The following MAGI2 variants were observed in gnomAD, a reference collection of about 807,000 sequenced individuals.
MAGI2 encodes membrane associated guanylate kinase, WW and PDZ domain containing 2.
MAGI2 carries 35 observed loss-of-function variants against 133.3 expected under a neutral mutation model. The observed-to-expected ratio is 0.26, with a 90% CI of 0.20 to 0.35. MAGI2 has a LOEUF of 0.35. Ranked by LOEUF, MAGI2 falls within the 10% of genes least tolerant of loss-of-function variation. The pLI is 1.00. For missense variants in MAGI2, 1,636 were observed against 1,863.4 expected, an observed-to-expected ratio of 0.88 and a Z score of 2.25; for synonymous variants, 729 against 710.6, an observed-to-expected ratio of 1.03 and a Z score of -0.41.
intron 1 of MAGI2, among the ~76,000 whole-genome samples, chr7:79,200,370 A>C: frequency 6.6e-6 from 1 of 151,660 alleles, no homozygotes; most frequent in Admixed American, 6.6e-5. Context: ...AGGGAGGCTG[A>C]GGCAGGAGGA....
chr7:79,151,475 C>T (rs1026804756), intron 1 of MAGI2, among the ~76,000 whole-genome samples: 1 of 152,116 alleles, frequency 6.6e-6, no homozygotes, highest in African/African-American at 2.4e-5. Context: ...CTCCAGTTTA[C>T]ATTAAATATT....
At chr7:78,302,652 T>A (rs981897323) in intron 9 of MAGI2, among the ~76,000 whole-genome samples, 3 of 152,206 alleles carry the variant, frequency 2.0e-5, no homozygotes, top group African/African-American at 7.2e-5. Context: ...CTAATACATT[T>A]CAGGCACTGC....
rs190645293 is a variant in MAGI2, at chr7:78,901,109, A to T, written c.418+105981T>A. 2.6e-4 allele frequency among the ~76,000 whole-genome samples: 40 copies of T among 152,324 alleles called. No individual in the cohort carries two copies. The East Asian group carries it at 6.4e-3, about 24-fold the overall frequency. ...AAACACCTCAAACCCTTGTCCTTCC[A>T]GCATTTGTGTTTTCATGAAATGTGA... On this transcript the variant is annotated intron_variant, in intron 2 of 21. Coordinates refer to ENST00000354212, the MANE Select transcript of MAGI2 (RefSeq NM_012301.4).
rs560303859 is a variant in MAGI2, at chr7:79,204,313, G to A, written c.302-197107C>T. Among the ~76,000 whole-genome samples, 6 of 152,158 alleles carry A rather than the reference G, an allele frequency of 3.9e-5. No individual in the cohort carries two copies. The South Asian group carries it at 1.2e-3, about 32-fold the overall frequency. On this transcript the variant is annotated intron_variant, in intron 1 of 21. Coordinates refer to ENST00000354212, the MANE Select transcript of MAGI2 (RefSeq NM_012301.4). ...CTGCACCATGGGTCAGTGGATGTTA[G>A]TGGCCCTGGGCTCAGGACAGCTCTC...
At position 78,243,259 on chromosome 7, in the gene MAGI2, ACACACACACACTCT is replaced by A. The variant is rs760199089; in HGVS notation, c.2047+12670_2047+12683del. On this transcript the variant is annotated intron_variant, in intron 10 of 21. Transcript: ENST00000354212. ...CACACACACACACACACACACACAC[ACACACACACACTCT>A]CTCTCTCTCTCTCTTATAAAACAAA... 3.7e-3 allele frequency among the ~76,000 whole-genome samples: 292 copies of A among 78,458 alleles called. 1 individual carries two copies. The highest frequency in any genetic ancestry group is 5.9e-3 in the Non-Finnish European group (221 of 37,572). The allele number at this position is 78,458 out of a possible 152,430, so 51.5% of individuals were successfully genotyped here.
chr7:79,026,502 C>T (rs944325885), intron 1 of MAGI2, among the ~76,000 whole-genome samples: 1 of 152,218 alleles, frequency 6.6e-6, no homozygotes, highest in African/African-American at 2.4e-5. Context: ...AGCCATATAT[C>T]TGATAAGGGG....
In MAGI2 at chr7:79,121,911, C is replaced by A. The variant is rs114006150; in HGVS notation, c.302-114705G>T. Among the ~76,000 whole-genome samples the A allele has an allele frequency of 5.6e-3, 855 of 152,230 alleles. 11 individuals carry two copies. The highest frequency in any genetic ancestry group is 0.02 in the African/African-American group (815 of 41,518). On this transcript the variant is annotated intron_variant, in intron 1 of 21. Coordinates refer to ENST00000354212, the MANE Select transcript of MAGI2 (RefSeq NM_012301.4). Reference sequence around the variant, plus strand: ...ACTTCAATTGTTTTCTAACATCTTTCATCAGTATTTCACATTCGATAATAT... The same window carrying A: ...ACTTCAATTGTTTTCTAACATCTTTAATCAGTATTTCACATTCGATAATAT...
At chr7:78,300,034 G>C (rs1389287359) in intron 9 of MAGI2, among the ~76,000 whole-genome samples, 2 of 152,084 alleles carry the variant, frequency 1.3e-5, no homozygotes, top group Non-Finnish European at 2.9e-5. Flanking sequence ...ATTACATCTT[G>C]ATTTTCAGTG....
intron 15 of MAGI2, among the ~76,000 whole-genome samples, chr7:78,161,661 G>T (rs56166228): frequency 3.8e-5 from 3 of 78,006 alleles, no homozygotes; most frequent in African/African-American, 1.7e-4. Flanking sequence ...TTGTTACATC[G>T]ATACCTAAAA....
intron 1 of MAGI2, chr7:79,410,924 T>C (rs1348335793): frequency 6.6e-6 from 1 of 152,202 alleles, no homozygotes; most frequent in African/African-American, 2.4e-5. Flanking sequence ...GCCTACTACT[T>C]ATATACATTC....
At chr7:79,048,404 T>A (rs1274187572) in intron 1 of MAGI2, among the ~76,000 whole-genome samples, 2 of 152,230 alleles carry the variant, frequency 1.3e-5, no homozygotes, top group Non-Finnish European at 2.9e-5. Flanking sequence ...AATGTTGTTG[T>A]GTGAATGGTA....
intron 10 of MAGI2, among the ~76,000 whole-genome samples, chr7:78,214,126 C>T (rs150172484): frequency 3.9e-5 from 6 of 152,308 alleles, no homozygotes; most frequent in Non-Finnish European, 8.8e-5. Flanking sequence ...AATGTTTTCA[C>T]CTGCTGAGGT....
chr7:78,730,746 AAC>A (rs1309695693), intron 2 of MAGI2, among the ~76,000 whole-genome samples: 6 of 152,268 alleles, frequency 3.9e-5, no homozygotes, highest in African/African-American at 1.2e-4. Context: ...TCCGCTGGGA[AAC>A]ACAGACAAAC....
chr7:79,356,096 T>C (rs563426782), intron 1 of MAGI2, among the ~76,000 whole-genome samples: 1 of 152,198 alleles, frequency 6.6e-6, no homozygotes, highest in Non-Finnish European at 1.5e-5. Flanking sequence ...TTGTTTTGTC[T>C]ACTGTACTTT....
At chr7:78,552,107 C>T (rs566738594) in intron 3 of MAGI2, among the ~76,000 whole-genome samples, 3 of 149,712 alleles carry the variant, frequency 2.0e-5, no homozygotes, top group Non-Finnish European at 4.4e-5. Flanking sequence ...TTGGGCAATT[C>T]GACTTGAAGA....
intron 1 of MAGI2, among the ~76,000 whole-genome samples, chr7:79,263,677 A>T (rs1352484795): frequency 6.6e-6 from 1 of 152,168 alleles, no homozygotes; most frequent in Non-Finnish European, 1.5e-5. Flanking sequence ...AAGGTCTCTG[A>T]GGTACAAAAT....
At chr7:78,688,097 A>G (rs914259705) in intron 2 of MAGI2, among the ~76,000 whole-genome samples, 1 of 152,044 alleles carries the variant, frequency 6.6e-6, no homozygotes, top group Non-Finnish European at 1.5e-5. Flanking sequence ...CACATTTAGC[A>G]TATTAAAGAG....
intron 21 of MAGI2, among the ~76,000 whole-genome samples, chr7:78,071,476 G>T (rs1485926436): frequency 6.6e-6 from 1 of 152,148 alleles, no homozygotes; most frequent in East Asian, 1.9e-4. Context: ...GGTGGAGTCT[G>T]CAGTGAGCTG....
In MAGI2 at chr7:78,381,499, AC is replaced by A. The variant is rs1794922577; in HGVS notation, c.1046-12287del. 2.0e-5 allele frequency among the ~76,000 whole-genome samples: 3 copies of A among 152,164 alleles called. No homozygotes were observed. The South Asian group carries it at 6.2e-4, about 32-fold the overall frequency. ...AAGAATATCTTCTATAGCTCAAAAT[AC>A]CATAACTAATACTAAAAGATAACCG... On this transcript the variant is annotated intron_variant, in intron 6 of 21. Coordinates refer to ENST00000354212, the MANE Select transcript of MAGI2 (RefSeq NM_012301.4).
Sources: gnomAD v4.1 joint callset for allele counts (sites outside exome capture counted in the v4.1 genomes callset) on GRCh38, gnomAD v4.1.1 for gene constraint, MANE v1.5 for transcripts, NCBI Gene and HGNC (gene_info 2026-07-23, HGNC 2026-07-21) for gene names.